ZNF14: variants seen among roughly 807,000 people sequenced by gnomAD.
ZNF14 encodes gonadotropin inducible transcription repressor-4.
A neutral mutation model predicts 11.3 loss-of-function variants in ZNF14; 9 were observed. The observed-to-expected ratio is 0.80, with a 90% CI of 0.48 to 1.39. The LOEUF (loss-of-function observed/expected upper bound fraction) is 1.39. Among genes scored for constraint, ZNF14 ranks in the 40% most tolerant of loss-of-function variants. The probability of loss-of-function intolerance (pLI) is 0.00; values close to 1 mark genes in which losing one functional copy is unlikely to be tolerated. For missense variants in ZNF14, 711 were observed against 763.9 expected (o/e 0.93, Z 0.82); for synonymous variants, 239 against 245.7 (o/e 0.97, Z 0.25).
chr19:19,733,078 T>C lies in ZNF14; in HGVS notation c.-120A>G, dbSNP rs1421721652. 7.6e-7 allele frequency: 1 copy of C among 1,321,840 alleles called. No individual in the cohort carries two copies. The highest frequency in any genetic ancestry group is 1.5e-5 in the African/African-American group (1 of 68,374). The allele number at this position is 1,321,840 out of a possible 1,614,324, so 81.9% of individuals were successfully genotyped here. ...GCCTTCAGGAGCAGGTGAAACGCAA[T>C]CTTCCCATGGGCCAGGAATGGCGAC... On this transcript the variant is annotated 5_prime_UTR_variant, in exon 1 of 4. Transcript: ENST00000344099.
chr19:19,714,090 C>A lies in ZNF14; in HGVS notation c.191+1G>T. ...ACTATTTTTCTGTGGATGCAACTCA[C>A]CTTCGATTTTTCCCCTGGTTTCTGT... is the stretch of plus-strand genomic sequence containing the variant. On this transcript the variant is annotated splice_donor_variant, in intron 3 of 3. Transcript: ENST00000344099. LOFTEE classifies it high-confidence loss of function. The A allele has an allele frequency of 1.2e-6, 2 of 1,613,208 alleles. No homozygotes were observed. The highest frequency in any genetic ancestry group is 8.5e-7 in the Non-Finnish European group (1 of 1,179,600).
At chr19:19,721,383 C>T (rs2062393089) in intron 1 of ZNF14, among the ~76,000 whole-genome samples, 1 of 152,184 alleles carries the variant, frequency 6.6e-6, no homozygotes, top group Non-Finnish European at 1.5e-5. Context: ...AGCAGGACAT[C>T]TTGGCCCATG....
chr19:19,730,104 G>C (rs2062418958), intron 1 of ZNF14, among the ~76,000 whole-genome samples: 1 of 152,110 alleles, frequency 6.6e-6, no homozygotes, highest in Non-Finnish European at 1.5e-5. Flanking sequence ...TGCAACCTCT[G>C]CCTCCTGGGT....
intron 3 of ZNF14, among the ~76,000 whole-genome samples, chr19:19,713,763 T>TTTTTTTTTTTTTTTC (rs1555761279): frequency 2.0e-5 from 3 of 148,932 alleles, no homozygotes; most frequent in Admixed American, 6.8e-5. Context: ...TTTTTTTTTT[T>TTTTTTTTTTTTTTTC]CCCCAGATGA....
chr19:19,713,312 A>T (rs2062367816), intron 3 of ZNF14, among the ~76,000 whole-genome samples: 1 of 152,186 alleles, frequency 6.6e-6, no homozygotes, highest in Non-Finnish European at 1.5e-5. Context: ...TAAGAGATGG[A>T]GTCTCATTCT....
chr19:19,713,229 T>G (rs1303430353), intron 3 of ZNF14, 140 bp from the exon 4 acceptor site: 1 of 772,024 alleles, frequency 1.3e-6, no homozygotes, highest in African/African-American at 1.8e-5. Context: ...AGTTAATATA[T>G]TCAATGCTCT....
Position 19,712,073 on chromosome 19 carries a change from G to C in ZNF14, c.1208C>G (p.Ser403Ter). 6.2e-7 allele frequency: 1 copy of C among 1,613,376 alleles called. No homozygotes were observed. The highest frequency in any genetic ancestry group is 1.3e-5 in the African/African-American group (1 of 74,896). ...CKQCHKTFSFSSSLREHETTH... is the reference protein window; with the variant it reads ...CKQCHKTFSF ...TGTTTCGTGTTCTCGAAGGGAACTT[G>C]AAAAACTGAAGGTTTTATGACACTG... The change falls in exon 4 of 4, where the codon TCA becomes TGA. Residue 403 changes from serine (S) to a stop codon, truncating the protein, a stop_gained. Transcript: ENST00000344099. LOFTEE classifies it low-confidence loss of function (END_TRUNC).
intron 1 of ZNF14, among the ~76,000 whole-genome samples, chr19:19,719,745 AAATC>A (rs1260591375): frequency 6.6e-6 from 1 of 152,238 alleles, no homozygotes; most frequent in East Asian, 1.9e-4. Flanking sequence ...TAATACAACT[AAATC>A]AATAACATGT....
At chr19:19,714,637 G>T in intron 1 of ZNF14, 150 bp from the exon 2 acceptor site, 2 of 734,294 alleles carry the variant, frequency 2.7e-6, no homozygotes, top group Non-Finnish European at 4.1e-6. Flanking sequence ...TGTCCACACT[G>T]ACTTCCTCAT....
chr19:19,712,830 T>C lies in ZNF14; in HGVS notation c.451A>G (p.Ser151Gly), dbSNP rs2062366074. The part of the protein sequence containing the change: ...CKCKAVGKTF[S>G]YHHCFRKHER... ...TGTTTGCGAAAGCAGTGGTGATAAC[T>C]GAAGGTTTTCCCAACTGCTTTACAT... Residue 151 changes from serine (S) to glycine (G), a missense_variant, in exon 4 of 4, where the codon AGT (serine) becomes GGT (glycine). Ser to Gly is a moderately conservative substitution (Grantham distance 56). Coordinates refer to ENST00000344099, the MANE Select transcript of ZNF14 (RefSeq NM_021030.3). 3.7e-6 allele frequency: 6 copies of C among 1,614,208 alleles called. No homozygotes were observed. The highest frequency in any genetic ancestry group is 4.2e-6 in the Non-Finnish European group (5 of 1,180,034).
intron 1 of ZNF14, among the ~76,000 whole-genome samples, chr19:19,716,392 G>A (rs144371346): frequency 0.033 from 4,992 of 152,214 alleles, 140 homozygotes; most frequent in Non-Finnish European, 0.044. Flanking sequence ...AGGTTCAAGC[G>A]ATTCTTGTGC....
chr19:19,714,961 C>T (rs1275750136), intron 1 of ZNF14, among the ~76,000 whole-genome samples: 3 of 152,116 alleles, frequency 2.0e-5, no homozygotes, highest in South Asian at 2.1e-4. Context: ...TTGCCCGCCT[C>T]GGCCTCCCAA....
chr19:19,729,423 C>T (rs930951086), intron 1 of ZNF14, among the ~76,000 whole-genome samples: 2 of 151,780 alleles, frequency 1.3e-5, no homozygotes, highest in Non-Finnish European at 2.9e-5. Context: ...TCAAGCAATT[C>T]TCCTGCCTCA....
chr19:19,733,021 G>C lies in ZNF14; in HGVS notation c.-63C>G. ...GATCTGTCAGTACCTGCAGGTCACG[G>C]CGCGACAAAGGATGCGCTAGAGCCA... is the stretch of plus-strand genomic sequence containing the variant. On this transcript the variant is annotated 5_prime_UTR_variant, in exon 1 of 4. Coordinates refer to ENST00000344099, the MANE Select transcript of ZNF14 (RefSeq NM_021030.3). 1 of 1,598,758 alleles carries C rather than the reference G, an allele frequency of 6.3e-7. No individual in the cohort carries two copies. The highest frequency in any genetic ancestry group is 8.5e-7 in the Non-Finnish European group (1 of 1,171,344).
Position 19,712,114 on chromosome 19 carries a change from T to G in ZNF14, c.1167A>C (p.Lys389Asn), listed in dbSNP as rs747143274. The G allele has an allele frequency of 6.2e-7, 1 of 1,613,842 alleles. No homozygotes were observed. The highest frequency in any genetic ancestry group is 1.3e-5 in the African/African-American group (1 of 74,920). The change falls in exon 4 of 4, where the codon AAA (lysine) becomes AAC (asparagine). Residue 389 changes from lysine to asparagine, a missense_variant. Physicochemically the swap from Lys to Asn is moderately conservative, Grantham distance 94. Coordinates refer to ENST00000344099, the MANE Select transcript of ZNF14 (RefSeq NM_021030.3). ...TATGACACTGTTTACACTCATAAGG[T>G]TTCTCTCCAGTATGAGTTCTTTCAT... ...RLHERTHTGE[K>N]PYECKQCHKT...
At chr19:19,730,370 TA>T (rs1599473362) in intron 1 of ZNF14, among the ~76,000 whole-genome samples, 1 of 152,234 alleles carries the variant, frequency 6.6e-6, no homozygotes. Flanking sequence ...AACACAAACT[TA>T]ACTCCCACAT....
At chr19:19,726,471 C>T (rs2062406486) in intron 1 of ZNF14, among the ~76,000 whole-genome samples, 1 of 133,858 alleles carries the variant, frequency 7.5e-6, no homozygotes, top group Non-Finnish European at 1.7e-5. Context: ...GGGCACCCGG[C>T]TGTATGAGGT....
intron 1 of ZNF14, among the ~76,000 whole-genome samples, chr19:19,728,937 C>T (rs994992978): frequency 1.7e-4 from 26 of 152,198 alleles, no homozygotes; most frequent in African/African-American, 6.0e-4. Context: ...TAAAAAAATC[C>T]TCATAGTAGA....
rs755381019 is a variant in ZNF14 at position 19,712,075 on chromosome 19, A to G, written c.1206T>C (p.Phe402=). Residue 402 remains phenylalanine (F), a synonymous_variant, in exon 4 of 4, where the codon TTT becomes TTC. Transcript: ENST00000344099. ...ECKQCHKTFS[F]SSSLREHETT... ...TTTCGTGTTCTCGAAGGGAACTTGA[A>G]AAACTGAAGGTTTTATGACACTGTT... 6 of 1,613,700 alleles carry G rather than the reference A, an allele frequency of 3.7e-6. No individual in the cohort carries two copies. The South Asian group carries it at 6.6e-5, about 18-fold the overall frequency.
Sources: allele counts gnomAD v4.1 joint callset (sites outside exome capture counted in the v4.1 genomes callset), GRCh38; gene constraint gnomAD v4.1.1; transcripts MANE v1.5; gene names NCBI Gene and HGNC (gene_info 2026-07-23, HGNC 2026-07-21).